Variants in L3MBTL4 observed in about 807,000 individuals in gnomAD.
L3MBTL4 encodes L3MBTL histone methyl-lysine binding protein 4.
A neutral mutation model predicts 84.5 loss-of-function variants in L3MBTL4; 70 were observed. The ratio of observed to expected loss-of-function variants is 0.83; its 90% confidence interval spans 0.68 to 1.01. The LOEUF is 1.01. Among genes scored for constraint, L3MBTL4 ranks in the 50% least tolerant of loss-of-function variants. The pLI is 0.00. For missense variants in L3MBTL4, 715 were observed against 754.8 expected, an observed-to-expected ratio of 0.95 and a Z score of 0.62; for synonymous variants, 274 against 259.8, an observed-to-expected ratio of 1.05 and a Z score of -0.52.
chr18:6,083,366 T>A (rs1214168997), intron 15 of L3MBTL4, among the ~76,000 whole-genome samples: 4 of 152,124 alleles, frequency 2.6e-5, no homozygotes. Context: ...GCTAATCGAC[T>A]TGTTTGGCTG....
chr18:5,957,626 C>G (rs963019296), intron 18 of L3MBTL4, among the ~76,000 whole-genome samples: 3 of 151,994 alleles, frequency 2.0e-5, no homozygotes. Flanking sequence ...CTTCCACGAA[C>G]TTAGAACTGT....
At chr18:6,347,933 C>T (rs565139297) in intron 1 of L3MBTL4, among the ~76,000 whole-genome samples, 2 of 151,956 alleles carry the variant, frequency 1.3e-5, no homozygotes, top group African/African-American at 4.8e-5. Flanking sequence ...TGACTAACTA[C>T]CAGAAATAAG....
chr18:6,163,631 A>G (rs1297123552), intron 13 of L3MBTL4, among the ~76,000 whole-genome samples: 1 of 152,186 alleles, frequency 6.6e-6, no homozygotes, highest in African/African-American at 2.4e-5. Flanking sequence ...AATACACAAA[A>G]TACACATCTT....
intron 10 of L3MBTL4, among the ~76,000 whole-genome samples, chr18:6,233,006 T>C (rs555196710): frequency 3.3e-5 from 5 of 152,300 alleles, no homozygotes; most frequent in African/African-American, 1.2e-4. Flanking sequence ...GATGCAAGGC[T>C]GGTTCAAGAT....
intron 16 of L3MBTL4, among the ~76,000 whole-genome samples, chr18:5,992,925 C>T (rs1490050224): frequency 6.6e-6 from 1 of 152,186 alleles, no homozygotes; most frequent in Non-Finnish European, 1.5e-5. Context: ...AGCAATGCAA[C>T]AACAGCCTAA....
At chr18:6,258,271 G>A (rs1444570407) in intron 5 of L3MBTL4, among the ~76,000 whole-genome samples, 2 of 152,236 alleles carry the variant, frequency 1.3e-5, no homozygotes, top group South Asian at 2.1e-4. Flanking sequence ...ACAGAAGGAC[G>A]GCCAGACAAT....
intron 4 of L3MBTL4, among the ~76,000 whole-genome samples, chr18:6,290,904 T>C (rs982050651): frequency 6.6e-6 from 1 of 152,142 alleles, no homozygotes; most frequent in African/African-American, 2.4e-5. Context: ...AACTTTCTAA[T>C]ATAAAATTAC....
At chr18:5,984,292 G>A (rs2053371539) in intron 16 of L3MBTL4, among the ~76,000 whole-genome samples, 1 of 152,210 alleles carries the variant, frequency 6.6e-6, no homozygotes, top group African/African-American at 2.4e-5. Flanking sequence ...AAGGATAAAT[G>A]ATTGTGGCCA....
At chr18:5,978,342 C>A (rs1165987078) in intron 16 of L3MBTL4, among the ~76,000 whole-genome samples, 2 of 152,142 alleles carry the variant, frequency 1.3e-5, no homozygotes. Flanking sequence ...AATACAAGAC[C>A]TCCATGCAGC....
chr18:6,020,017 G>C (rs1459051646), intron 16 of L3MBTL4, among the ~76,000 whole-genome samples: 1 of 152,136 alleles, frequency 6.6e-6, no homozygotes, highest in East Asian at 1.9e-4. Flanking sequence ...CCCTAAGTTG[G>C]GCAATGCAGA....
chr18:6,387,104 C>T (rs1486505297), intron 1 of L3MBTL4, among the ~76,000 whole-genome samples: 1 of 152,156 alleles, frequency 6.6e-6, no homozygotes, highest in African/African-American at 2.4e-5. Context: ...AAATGACTCC[C>T]AGGTTTTTGG....
chr18:6,348,251 T>C (rs1009326672), intron 1 of L3MBTL4, among the ~76,000 whole-genome samples: 1 of 151,960 alleles, frequency 6.6e-6, no homozygotes, highest in African/African-American at 2.4e-5. Flanking sequence ...CTAATAAGTA[T>C]AGAGGGATTT....
chr18:6,053,923 T>C (rs1461615345), intron 16 of L3MBTL4, among the ~76,000 whole-genome samples: 1 of 152,244 alleles, frequency 6.6e-6, no homozygotes, highest in Non-Finnish European at 1.5e-5. Flanking sequence ...AAAGTCTAAT[T>C]GACATGCTTA....
intron 16 of L3MBTL4, chr18:6,032,186 C>T: frequency 2.7e-6 from 1 of 365,946 alleles, no homozygotes; most frequent in Non-Finnish European, 4.0e-6. Flanking sequence ...ACTGCGTTGG[C>T]CAGGATGGTC....
chr18:6,102,139 T>A (rs1243423624), intron 14 of L3MBTL4, among the ~76,000 whole-genome samples: 1 of 152,232 alleles, frequency 6.6e-6, no homozygotes, highest in African/African-American at 2.4e-5. Context: ...CTGTAATTGT[T>A]TATCAGCTTG....
At chr18:6,407,514 A>G (rs1321967024) in intron 1 of L3MBTL4, among the ~76,000 whole-genome samples, 7 of 152,262 alleles carry the variant, frequency 4.6e-5, no homozygotes, top group Non-Finnish European at 1.0e-4. Flanking sequence ...CCAAGACTAA[A>G]GGCTATAATG....
At chr18:6,136,832 T>C (rs1047517322) in intron 14 of L3MBTL4, among the ~76,000 whole-genome samples, 1 of 152,208 alleles carries the variant, frequency 6.6e-6, no homozygotes, top group Non-Finnish European at 1.5e-5. Context: ...TTTGTCCATT[T>C]CTTTGTGCCA....
chr18:5,991,358 G>A (rs2053689933), intron 16 of L3MBTL4, among the ~76,000 whole-genome samples: 1 of 152,156 alleles, frequency 6.6e-6, no homozygotes, highest in Non-Finnish European at 1.5e-5. Flanking sequence ...TACATGTTAA[G>A]CAAATGAGTC....
intron 1 of L3MBTL4, among the ~76,000 whole-genome samples, chr18:6,331,892 G>T (rs930091814): frequency 2.2e-4 from 33 of 151,266 alleles, no homozygotes; most frequent in African/African-American, 8.0e-4. Flanking sequence ...AAGAGACATA[G>T]AGGATAAATT....
Sources: gnomAD v4.1 joint callset for allele counts (sites outside exome capture counted in the v4.1 genomes callset) on GRCh38, gnomAD v4.1.1 for gene constraint, MANE v1.5 for transcripts, NCBI Gene and HGNC (gene_info 2026-07-23, HGNC 2026-07-21) for gene names.